CNTNAP5: variants seen among roughly 807,000 people sequenced by gnomAD.
CNTNAP5 encodes contactin associated protein family member 5, also known as contactin-associated protein-like 5.
CNTNAP5 carries 72 observed loss-of-function variants against 150.2 expected under a neutral mutation model. That is an observed-to-expected ratio of 0.48 (90% CI 0.40 to 0.58). The LOEUF (loss-of-function observed/expected upper bound fraction) is 0.58, where lower values mean the gene tolerates loss of function less well. Ranked by LOEUF, CNTNAP5 falls within the 20% of genes least tolerant of loss-of-function variation. CNTNAP5 has a pLI of 0.00. For missense variants in CNTNAP5, 1,636 were observed against 1,626.2 expected (o/e 1.01, Z -0.10); for synonymous variants, 672 against 619.8 (o/e 1.08, Z -1.25).
intron 11 of CNTNAP5, among the ~76,000 whole-genome samples, chr2:124,576,465 C>T (rs1174259876): frequency 1.3e-5 from 2 of 152,146 alleles, no homozygotes; most frequent in African/African-American, 4.8e-5. Context: ...ATAACTGTTA[C>T]ATAACATATG....
intron 20 of CNTNAP5, among the ~76,000 whole-genome samples, chr2:124,866,679 A>G (rs1478823064): frequency 6.6e-6 from 1 of 152,096 alleles, no homozygotes; most frequent in Non-Finnish European, 1.5e-5. Flanking sequence ...TGGGCTCCAT[A>G]TAAAGGGCCA....
chr2:124,296,074 T>TTCTATTCATATTC (rs1198275296), intron 3 of CNTNAP5, among the ~76,000 whole-genome samples: 2 of 152,222 alleles, frequency 1.3e-5, no homozygotes, highest in Non-Finnish European at 2.9e-5. Context: ...TATTTTGGCC[T>TTCTATTCATATTC]ATTCTTTTTT....
chr2:124,088,700 T>C (rs1682752408), intron 1 of CNTNAP5, among the ~76,000 whole-genome samples: 1 of 152,164 alleles, frequency 6.6e-6, no homozygotes, highest in Non-Finnish European at 1.5e-5. Flanking sequence ...GGGTTCCTCA[T>C]TACTGCCAAG....
At chr2:124,662,577 T>G (rs527700356) in intron 13 of CNTNAP5, among the ~76,000 whole-genome samples, 1 of 152,234 alleles carries the variant, frequency 6.6e-6, no homozygotes, top group South Asian at 2.1e-4. Flanking sequence ...CACTTAGAGG[T>G]GAAGTAAATT....
chr2:124,598,217 G>A (rs1464541652), intron 11 of CNTNAP5, among the ~76,000 whole-genome samples: 18 of 139,492 alleles, frequency 1.3e-4, no homozygotes, highest in East Asian at 1.1e-3. Flanking sequence ...GAGGAGAGGC[G>A]CTCTGCATTT....
intron 11 of CNTNAP5, among the ~76,000 whole-genome samples, chr2:124,566,180 G>C (rs940663457): frequency 3.9e-5 from 6 of 152,110 alleles, no homozygotes; most frequent in African/African-American, 1.4e-4. Flanking sequence ...CAGTGCTGCT[G>C]TAAGAAGTCA....
intron 6 of CNTNAP5, among the ~76,000 whole-genome samples, chr2:124,454,135 T>C (rs1693057758): frequency 6.6e-6 from 1 of 152,148 alleles, no homozygotes; most frequent in Admixed American, 6.5e-5. Context: ...ACCAACCAAC[T>C]ATCTGCTGCC....
chr2:124,285,831 CAAG>C (rs947790591), intron 3 of CNTNAP5, among the ~76,000 whole-genome samples: 8 of 151,858 alleles, frequency 5.3e-5, no homozygotes, highest in East Asian at 1.9e-4. Context: ...AAACGAAAAA[CAAG>C]AAGAAGAAAA....
At chr2:124,888,211 T>C (rs1229297257) in intron 21 of CNTNAP5, among the ~76,000 whole-genome samples, 3 of 152,170 alleles carry the variant, frequency 2.0e-5, no homozygotes, top group Non-Finnish European at 4.4e-5. Flanking sequence ...TTGTTTTCTG[T>C]TCCTGTGTTA....
chr2:124,805,485 T>C (rs1174826500), intron 19 of CNTNAP5, among the ~76,000 whole-genome samples: 1 of 152,100 alleles, frequency 6.6e-6, no homozygotes, highest in African/African-American at 2.4e-5. Context: ...ACTTTGGCTG[T>C]GGAGCTAGCT....
chr2:124,616,037 C>T (rs1677486193), intron 12 of CNTNAP5, among the ~76,000 whole-genome samples: 2 of 151,984 alleles, frequency 1.3e-5, no homozygotes, highest in African/African-American at 4.8e-5. Flanking sequence ...CCCATCCAGG[C>T]TTTATTATTC....
At chr2:124,170,434 T>C (rs1181663789) in intron 1 of CNTNAP5, among the ~76,000 whole-genome samples, 1 of 152,166 alleles carries the variant, frequency 6.6e-6, no homozygotes, top group Non-Finnish European at 1.5e-5. Flanking sequence ...ATTAGCATTG[T>C]GTGCAGATGC....
chr2:124,162,620 C>T (rs116022814), intron 1 of CNTNAP5, among the ~76,000 whole-genome samples: 241 of 152,204 alleles, frequency 1.6e-3, no homozygotes, highest in African/African-American at 5.5e-3. Context: ...CCTACCCCCA[C>T]ATGTAGTGTG....
intron 12 of CNTNAP5, among the ~76,000 whole-genome samples, chr2:124,610,446 G>T (rs1306884463): frequency 6.6e-6 from 1 of 152,180 alleles, no homozygotes; most frequent in African/African-American, 2.4e-5. Context: ...AGCTAGCCAG[G>T]CTGGTTGTTC....
At position 124,605,941 on chromosome 2, in the gene CNTNAP5, A is replaced by G. The variant is rs62171268; in HGVS notation, c.1757-3860A>G. Among the ~76,000 whole-genome samples, 553 of 152,130 alleles carry G rather than the reference A, an allele frequency of 3.6e-3. 2 individuals carry two copies. Among genetic ancestry groups the G allele is most frequent in the Middle Eastern group, 6.8e-3 (2 of 292 alleles). The stretch of plus-strand genomic sequence containing the variant: ...AATTAAAAATATAAGACATTCAGAA[A>G]TGTCTCACTTTCATCTTTGTCCCCT... On this transcript the variant is annotated intron_variant, in intron 11 of 23. Coordinates refer to ENST00000682447, the MANE Select transcript of CNTNAP5 (RefSeq NM_001367498.1).
At position 124,643,489 on chromosome 2, in the gene CNTNAP5, G is replaced by GA. The variant is rs751918383; in HGVS notation, c.1877-4259dup. Among the ~76,000 whole-genome samples, 1,405 of 148,416 alleles carry GA rather than the reference G, an allele frequency of 9.5e-3. 10 individuals carry two copies. Among genetic ancestry groups the GA allele is most frequent in the South Asian group, 0.022 (102 of 4,692 alleles). Reference sequence around the variant, plus strand: ...AGATACATAGGGCAATTCTATAGTGGAAAAAAAAAACTTAACAAGGTGGTA... The same window carrying GA: ...AGATACATAGGGCAATTCTATAGTGGAAAAAAAAAAACTTAACAAGGTGGTA... On this transcript the variant is annotated intron_variant, in intron 12 of 23. Transcript: ENST00000682447.
chr2:124,649,013 C>T (rs539234176), intron 13 of CNTNAP5, among the ~76,000 whole-genome samples: 7 of 152,256 alleles, frequency 4.6e-5, no homozygotes, highest in Non-Finnish European at 2.9e-5. Flanking sequence ...CGTTGTTCCA[C>T]GTAATTGAAT....
intron 11 of CNTNAP5, among the ~76,000 whole-genome samples, chr2:124,586,216 A>G (rs1052172794): frequency 6.6e-6 from 1 of 152,216 alleles, no homozygotes. Flanking sequence ...GAGCTGTGCT[A>G]TCTTATCTTT....
At position 124,918,983 on chromosome 2, in the gene CNTNAP5, C is replaced by A. The variant is rs1678821445; in HGVS notation, c.*4695C>A. ...TTATTTCTATATACTGTTCTTGAGTCTTTCTTGACCTCTTCTTTTATCCCC... is the reference window on the plus strand; with the variant it reads ...TTATTTCTATATACTGTTCTTGAGTATTTCTTGACCTCTTCTTTTATCCCC... On this transcript the variant is annotated 3_prime_UTR_variant, in exon 24 of 24. Coordinates refer to ENST00000682447, the MANE Select transcript of CNTNAP5 (RefSeq NM_001367498.1). 6.6e-6 allele frequency among the ~76,000 whole-genome samples: 1 copy of A among 152,052 alleles called. No homozygotes were observed. Among genetic ancestry groups the A allele is most frequent in the African/African-American group, 2.4e-5 (1 of 41,426 alleles).
Sources: allele counts gnomAD v4.1 joint callset (sites outside exome capture counted in the v4.1 genomes callset), GRCh38; gene constraint gnomAD v4.1.1; transcripts MANE v1.5; gene names NCBI Gene and HGNC (gene_info 2026-07-23, HGNC 2026-07-21).